Variants in ADGRB3 observed in about 807,000 individuals in gnomAD.
The protein encoded by ADGRB3 is adhesion G protein-coupled receptor B3, also known as brain-specific angiogenesis inhibitor 3.
A neutral mutation model predicts 193.4 loss-of-function variants in ADGRB3; 37 were observed. That is an observed-to-expected ratio of 0.19 (90% confidence interval 0.15 to 0.25). ADGRB3 has a LOEUF of 0.25. ADGRB3 is among the 10% of genes least tolerant of loss of function. ADGRB3 has a pLI of 1.00. For missense variants in ADGRB3, 1,637 were observed against 1,852.9 expected, an observed-to-expected ratio of 0.88 and a Z score of 2.14; for synonymous variants, 690 against 644.2, an observed-to-expected ratio of 1.07 and a Z score of -1.08.
intron 3 of ADGRB3, among the ~76,000 whole-genome samples, chr6:68,917,889 C>T (rs766701838): frequency 6.6e-6 from 1 of 152,122 alleles, no homozygotes; most frequent in Non-Finnish European, 1.5e-5. Flanking sequence ...TTTGGTATAG[C>T]TATCTTACAA....
At chr6:68,871,357 A>G (rs1718836069) in intron 3 of ADGRB3, among the ~76,000 whole-genome samples, 1 of 152,180 alleles carries the variant, frequency 6.6e-6, no homozygotes, top group South Asian at 2.1e-4. Context: ...AAGTGTGAAG[A>G]CTTGCATTAA....
At chr6:68,883,779 A>G (rs2150225633) in intron 3 of ADGRB3, among the ~76,000 whole-genome samples, 1 of 152,228 alleles carries the variant, frequency 6.6e-6, no homozygotes, top group Middle Eastern at 3.4e-3. Context: ...GAACTGTAAC[A>G]CTCACCGCCA....
At chr6:69,097,267 T>C (rs1772908368) in intron 17 of ADGRB3, among the ~76,000 whole-genome samples, 1 of 152,228 alleles carries the variant, frequency 6.6e-6, no homozygotes, top group Non-Finnish European at 1.5e-5. Context: ...TCTCTGGTTT[T>C]AAACATTTCC....
intron 17 of ADGRB3, among the ~76,000 whole-genome samples, chr6:69,176,395 A>G (rs1775429028): frequency 6.6e-6 from 1 of 152,162 alleles, no homozygotes; most frequent in African/African-American, 2.4e-5. Flanking sequence ...TGAGATGATT[A>G]TATGGTTCTT....
intron 17 of ADGRB3, among the ~76,000 whole-genome samples, chr6:69,230,285 A>T (rs1766104485): frequency 6.6e-6 from 1 of 152,190 alleles, no homozygotes; most frequent in Non-Finnish European, 1.5e-5. Flanking sequence ...CCTATCGATA[A>T]CAAACTAGAC....
In ADGRB3 at chr6:69,338,996, C is replaced by T; in HGVS notation, c.3269C>T (p.Thr1090Ile). The change falls in exon 25 of 32, where the codon ACC becomes ATC. Residue 1090 changes from threonine to isoleucine, a missense_variant. This residue lies in a region of ADGRB3 where 56 missense variants were observed against 53.3 expected (regional missense o/e 1.05). Transcript: ENST00000370598. ...GTTTCAACAACAGCTTTGTCAGCCA[C>T]CACCGCCAGTAACGCCATGTTAGTC... ...GVVSTTALSA[T>I]TASNAMASLW... The T allele has an allele frequency of 6.2e-7, 1 of 1,613,770 alleles. No homozygotes were observed. Among genetic ancestry groups the T allele is most frequent in the Non-Finnish European group, 8.5e-7 (1 of 1,179,810 alleles).
intron 20 of ADGRB3, 54 bp downstream of exon 20, chr6:69,239,280 G>A (rs1350277272): frequency 9.0e-6 from 11 of 1,221,058 alleles, no homozygotes; most frequent in Non-Finnish European, 1.1e-5. Context: ...TTGGCATATT[G>A]TTAGTTATTG....
chr6:69,361,814 T>C (rs1769460847), intron 29 of ADGRB3, among the ~76,000 whole-genome samples: 1 of 144,926 alleles, frequency 6.9e-6, no homozygotes, highest in Admixed American at 7.0e-5. Flanking sequence ...AAGGCACTCA[T>C]AAAAAATAAA....
intron 3 of ADGRB3, among the ~76,000 whole-genome samples, chr6:68,755,442 G>A (rs926466705): frequency 1.3e-5 from 2 of 152,154 alleles, no homozygotes; most frequent in African/African-American, 4.8e-5. Flanking sequence ...CTGAAGTGAA[G>A]TGCAGTGCTA....
intron 17 of ADGRB3, among the ~76,000 whole-genome samples, chr6:69,083,641 T>G (rs1378439019): frequency 6.6e-6 from 1 of 152,140 alleles, no homozygotes. Flanking sequence ...TTTTTCATAT[T>G]CCTTTGACTG....
At chr6:69,382,074 G>T (rs904630798) in intron 30 of ADGRB3, among the ~76,000 whole-genome samples, 1 of 151,786 alleles carries the variant, frequency 6.6e-6, no homozygotes, top group Non-Finnish European at 1.5e-5. Flanking sequence ...ATTTTTATTT[G>T]ACTCCATTTG....
chr6:68,787,162 T>C (rs553815620), intron 3 of ADGRB3, among the ~76,000 whole-genome samples: 1 of 152,288 alleles, frequency 6.6e-6, no homozygotes, highest in Non-Finnish European at 1.5e-5. Context: ...TCCTGCATGA[T>C]TGCCCTGGCC....
Position 69,320,825 on chromosome 6 carries a change from A to ATGTGTGTGTGTGTGTGTGTG in ADGRB3, c.2815-4037_2815-4018dup, listed in dbSNP as rs5877204. 3.6e-3 allele frequency among the ~76,000 whole-genome samples: 522 copies of ATGTGTGTGTGTGTGTGTGTG among 146,350 alleles called. 1 individual carries two copies. Among genetic ancestry groups the ATGTGTGTGTGTGTGTGTGTG allele is most frequent in the Admixed American group, 6.0e-3 (88 of 14,596 alleles). On this transcript the variant is annotated intron_variant, in intron 20 of 31. Coordinates refer to ENST00000370598, the MANE Select transcript of ADGRB3 (RefSeq NM_001704.3). ...AGTATATGTGCTTGTGCATGTGTGT[A>ATGTGTGTGTGTGTGTGTGTG]TGTGTGTGTGTGTGTGTGTGTGTGT...
intron 5 of ADGRB3, among the ~76,000 whole-genome samples, chr6:68,941,498 T>C (rs1416151138): frequency 6.6e-6 from 1 of 152,154 alleles, no homozygotes; most frequent in Non-Finnish European, 1.5e-5. Context: ...TTTTTTGAGA[T>C]TCATGGAGGA....
At chr6:68,705,115 T>C (rs1765302799) in intron 3 of ADGRB3, among the ~76,000 whole-genome samples, 1 of 152,246 alleles carries the variant, frequency 6.6e-6, no homozygotes. Flanking sequence ...TACTATTTAT[T>C]ATTAGGCACC....
chr6:68,804,284 T>C (rs1028738994), intron 3 of ADGRB3, among the ~76,000 whole-genome samples: 1 of 152,210 alleles, frequency 6.6e-6, no homozygotes, highest in Non-Finnish European at 1.5e-5. Flanking sequence ...ACACTTTTCA[T>C]CTTGAGAAAG....
intron 6 of ADGRB3, among the ~76,000 whole-genome samples, chr6:68,949,633 TG>T (rs1767863195): frequency 6.6e-6 from 1 of 152,198 alleles, no homozygotes. Flanking sequence ...TGATTGTGTT[TG>T]CATGAGGTTG....
chr6:68,898,631 T>C (rs76833672), intron 3 of ADGRB3, among the ~76,000 whole-genome samples: 1,551 of 152,266 alleles, frequency 0.01, 27 homozygotes, highest in African/African-American at 0.035. Context: ...ATAGTGAATT[T>C]CTTCCAAAGA....
intron 6 of ADGRB3, among the ~76,000 whole-genome samples, chr6:68,951,690 G>C (rs1041566448): frequency 1.3e-5 from 2 of 152,168 alleles, no homozygotes; most frequent in African/African-American, 4.8e-5. Flanking sequence ...ATGTGAATCA[G>C]TTTTCAATAG....
Sources: gnomAD v4.1 joint callset for allele counts (sites outside exome capture counted in the v4.1 genomes callset) on GRCh38, gnomAD v4.1.1 for gene constraint, gnomAD v4.1.1 regional missense constraint, MANE v1.5 for transcripts, NCBI Gene and HGNC (gene_info 2026-07-23, HGNC 2026-07-21) for gene names.